NRF1: variants seen among roughly 807,000 people sequenced by gnomAD.
NRF1 encodes the protein nuclear respiratory factor 1.
NRF1 carries 5 observed loss-of-function variants against 58.5 expected under a neutral mutation model. The ratio of observed to expected loss-of-function variants is 0.09; its 90% CI spans 0.04 to 0.18. NRF1 has a LOEUF of 0.18. Ranked by LOEUF, NRF1 falls within the 10% of genes least tolerant of loss-of-function variation. The pLI is 1.00. For missense variants in NRF1, 288 were observed against 657.7 expected, an observed-to-expected ratio of 0.44 and a Z score of 6.15; for synonymous variants, 224 against 246.7, an observed-to-expected ratio of 0.91 and a Z score of 0.86.
At chr7:129,691,428 C>A (rs1298158756) in intron 5 of NRF1, among the ~76,000 whole-genome samples, 1 of 142,704 alleles carries the variant, frequency 7.0e-6, no homozygotes, top group Non-Finnish European at 1.5e-5. Flanking sequence ...GTGGTGTGAT[C>A]TTGGCTCACT....
intron 5 of NRF1, among the ~76,000 whole-genome samples, chr7:129,693,686 G>A (rs1478393191): frequency 2.0e-5 from 3 of 152,098 alleles, no homozygotes; most frequent in African/African-American, 4.8e-5. Context: ...TCTTTTTACA[G>A]TTTCTATTAT....
intron 5 of NRF1, among the ~76,000 whole-genome samples, chr7:129,706,420 G>C (rs1040049221): frequency 6.6e-6 from 1 of 152,128 alleles, no homozygotes; most frequent in African/African-American, 2.4e-5. Flanking sequence ...ATAAAGGTGG[G>C]GCCGGAGAAG....
At chr7:129,727,466 AT>A (rs1236204066) in intron 10 of NRF1, 101 bp downstream of exon 10, 65 of 1,247,344 alleles carry the variant, frequency 5.2e-5, no homozygotes, top group Admixed American at 2.1e-4. Context: ...TTGAGCTTCG[AT>A]TTTTTTTTCT....
At chr7:129,700,193 A>G (rs953202162) in intron 5 of NRF1, among the ~76,000 whole-genome samples, 1 of 152,196 alleles carries the variant, frequency 6.6e-6, no homozygotes, top group East Asian at 1.9e-4. Flanking sequence ...CATTGTGAAC[A>G]TATTTAGTGC....
intron 3 of NRF1, among the ~76,000 whole-genome samples, chr7:129,673,755 G>A (rs1405415391): frequency 6.6e-6 from 1 of 151,514 alleles, no homozygotes; most frequent in Non-Finnish European, 1.5e-5. Context: ...GGTTTGATGG[G>A]TGCAGCAGAC....
At chr7:129,696,084 A>AC (rs1554410314) in intron 5 of NRF1, among the ~76,000 whole-genome samples, 10 of 110,936 alleles carry the variant, frequency 9.0e-5, no homozygotes, top group South Asian at 6.5e-4. Flanking sequence ...AAAAAAAAAA[A>AC]AACAACCAAA....
At chr7:129,619,388 G>A (rs1800720892) in intron 1 of NRF1, among the ~76,000 whole-genome samples, 1 of 83,362 alleles carries the variant, frequency 1.2e-5, no homozygotes. Context: ...ACTGGACTTG[G>A]CATACGTGTA....
chr7:129,683,304 T>TGAGAGAGAGA (rs1562969577), intron 4 of NRF1, among the ~76,000 whole-genome samples: 1 of 141,002 alleles, frequency 7.1e-6, no homozygotes, highest in African/African-American at 2.8e-5. Flanking sequence ...TGTGTGTGTG[T>TGAGAGAGAGA]GTGTGTGTGT....
intron 1 of NRF1, among the ~76,000 whole-genome samples, chr7:129,647,876 C>T (rs1801445454): frequency 6.6e-6 from 1 of 152,182 alleles, no homozygotes; most frequent in Admixed American, 6.5e-5. Context: ...GGCAAGGCCA[C>T]TTCTAAACTT....
At chr7:129,685,538 A>G (rs1048009807) in intron 4 of NRF1, among the ~76,000 whole-genome samples, 1 of 149,766 alleles carries the variant, frequency 6.7e-6, no homozygotes, top group African/African-American at 2.5e-5. Context: ...GGCAACATGT[A>G]AGACCCTGTC....
chr7:129,749,358 T>C (rs1448178560), intron 10 of NRF1, among the ~76,000 whole-genome samples: 1 of 152,032 alleles, frequency 6.6e-6, no homozygotes, highest in Admixed American at 6.6e-5. Context: ...AAGAATGTTA[T>C]TGCCATTTAT....
At chr7:129,666,500 A>G (rs1222932383) in intron 2 of NRF1, among the ~76,000 whole-genome samples, 8 of 152,148 alleles carry the variant, frequency 5.3e-5, no homozygotes, top group Admixed American at 4.6e-4. Flanking sequence ...TAACTGTTAT[A>G]TGGTATTCCA....
intron 9 of NRF1, among the ~76,000 whole-genome samples, chr7:129,718,283 G>C (rs528785396): frequency 6.6e-6 from 1 of 152,284 alleles, no homozygotes; most frequent in East Asian, 1.9e-4. Context: ...TTGAAGCCCA[G>C]CTCTGTCACT....
At chr7:129,744,090 C>T (rs2116304663) in intron 10 of NRF1, 2 of 1,300,138 alleles carry the variant, frequency 1.5e-6, no homozygotes, top group South Asian at 1.4e-5. Context: ...TGGGAGGCTG[C>T]AAGCGCCGCA....
intron 4 of NRF1, among the ~76,000 whole-genome samples, chr7:129,684,722 T>C (rs1002532606): frequency 6.6e-6 from 1 of 152,180 alleles, no homozygotes; most frequent in Admixed American, 6.5e-5. Flanking sequence ...CCGTGGGAGT[T>C]GCATGCAATG....
intron 4 of NRF1, among the ~76,000 whole-genome samples, chr7:129,681,711 C>T (rs1802314264): frequency 1.3e-5 from 2 of 152,136 alleles, no homozygotes; most frequent in Admixed American, 1.3e-4. Context: ...GTAGCTGGAA[C>T]TATAGGCAGG....
At position 129,727,370 on chromosome 7, in the gene NRF1, G is replaced by A; in HGVS notation, c.1348+5G>A. Reference sequence around the variant, plus strand: ...CTGGAGTCCAAGATGCTAATGGTAAGAGAGCATAAATATTTTATTAAATTT... The same window carrying A: ...CTGGAGTCCAAGATGCTAATGGTAAAAGAGCATAAATATTTTATTAAATTT... On this transcript the variant is annotated splice_donor_5th_base_variant and intron_variant, in intron 10 of 10. Coordinates refer to ENST00000393232, the MANE Select transcript of NRF1 (RefSeq NM_005011.5). 2 of 1,584,456 alleles carry A rather than the reference G, an allele frequency of 1.3e-6. No homozygotes were observed. Among genetic ancestry groups the A allele is most frequent in the Non-Finnish European group, 1.7e-6 (2 of 1,170,326 alleles).
intron 2 of NRF1, among the ~76,000 whole-genome samples, chr7:129,665,956 T>C (rs1439664859): frequency 4.6e-5 from 7 of 152,200 alleles, no homozygotes. Flanking sequence ...TATTATTTCA[T>C]TTTCTTTGAA....
At chr7:129,738,090 AG>A (rs1174243106) in intron 10 of NRF1, among the ~76,000 whole-genome samples, 1 of 152,350 alleles carries the variant, frequency 6.6e-6, no homozygotes, top group Admixed American at 6.5e-5. Context: ...GAGAAAATGA[AG>A]ACACTAGAGT....
Sources: gnomAD v4.1 joint callset for allele counts (sites outside exome capture counted in the v4.1 genomes callset) on GRCh38, gnomAD v4.1.1 for gene constraint, MANE v1.5 for transcripts, NCBI Gene and HGNC (gene_info 2026-07-23, HGNC 2026-07-21) for gene names.